Variants in SPTAN1 observed in about 807,000 individuals in gnomAD.
SPTAN1 encodes spectrin alpha chain, non-erythrocytic 1.
A neutral mutation model predicts 331.3 loss-of-function variants in SPTAN1; 61 were observed. The observed-to-expected ratio is 0.18, with a 90% CI of 0.15 to 0.23. SPTAN1 has a LOEUF of 0.23. SPTAN1 is among the 10% of genes least tolerant of loss of function. SPTAN1 has a pLI of 1.00. For missense variants in SPTAN1, 2,043 were observed against 3,147.9 expected, an observed-to-expected ratio of 0.65 and a Z score of 8.40; for synonymous variants, 1,153 against 1,173.9, an observed-to-expected ratio of 0.98 and a Z score of 0.36.
chr9:128,621,724 C>T (rs1857884962), intron 45 of SPTAN1: 2 of 230,404 alleles, frequency 8.7e-6, no homozygotes, highest in East Asian at 9.8e-5. Flanking sequence ...AGGATCATAT[C>T]ACTCCATAAA....
intron 9 of SPTAN1, among the ~76,000 whole-genome samples, chr9:128,579,043 TA>T: frequency 6.6e-6 from 1 of 152,222 alleles, no homozygotes; most frequent in Admixed American, 6.5e-5. Context: ...AAAACTTTGT[TA>T]AAAGGCATTA....
Position 128,584,863 on chromosome 9 carries a change from G to T in SPTAN1, c.2560+20G>T. 2 of 1,614,176 alleles carry T rather than the reference G, an allele frequency of 1.2e-6. No homozygotes were observed. Among genetic ancestry groups the T allele is most frequent in the South Asian group, 1.1e-5 (1 of 91,072 alleles). ...AGGAAGGTGAGTGATTGGTATCAGT[G>T]ACATGGCTTGGTGCTGCTCCTCGTG... On this transcript the variant is annotated intron_variant, in intron 18 of 56. Transcript: ENST00000372739.
intron 1 of SPTAN1, among the ~76,000 whole-genome samples, chr9:128,562,967 AAAAAATATATATATACATGTATGTGT>A (rs1259036000): frequency 4.6e-5 from 6 of 130,348 alleles, no homozygotes; most frequent in African/African-American, 1.5e-4. Flanking sequence ...TCCGTCTAAA[AAAAAATATATATATACATGTATGTGT>A]ATATATATAT....
Position 128,583,940 on chromosome 9 carries a change from C to G in SPTAN1, c.2164C>G (p.Leu722Val). The G allele has an allele frequency of 6.2e-7, 1 of 1,614,176 alleles. No individual in the cohort carries two copies. Among genetic ancestry groups the G allele is most frequent in the East Asian group, 2.2e-5 (1 of 44,886 alleles). The part of the protein sequence containing the change: ...NVQNLQKKHA[L>V]LEADVAAHQD... ...GCAGAACCTCCAGAAGAAACATGCA[C>G]TGCTAGAGGCAGATGTGGCTGCTCA... The change falls in exon 16 of 57, where the codon CTG becomes GTG. Residue 722 changes from leucine (L) to valine (V), a missense_variant. Leu to Val is a conservative substitution (Grantham distance 32). This residue lies in a region of SPTAN1 where 1,038 missense variants were observed against 1,531.5 expected (regional missense o/e 0.68). Coordinates refer to ENST00000372739, the MANE Select transcript of SPTAN1 (RefSeq NM_001130438.3).
At chr9:128,599,803 AG>A (rs1440724796) in intron 26 of SPTAN1, 5 of 509,512 alleles carry the variant, frequency 9.8e-6, no homozygotes, top group Non-Finnish European at 1.7e-5. Context: ...ACAACATAAA[AG>A]TTGGTGGTTT....
In SPTAN1 at chr9:128,627,074, A is replaced by G. The variant is rs1187249848; in HGVS notation, c.6577-312A>G. ...GCAGTCCTCCTGCCCAGGCCTCCCA[A>G]AGTGCTGGGATTACAGGTGTGAGCC... On this transcript the variant is annotated intron_variant, in intron 49 of 56. Coordinates refer to ENST00000372739, the MANE Select transcript of SPTAN1 (RefSeq NM_001130438.3). The surrounding 1 kb of genome is among the most constrained non-coding windows in gnomAD (Gnocchi z 4.9). 2 of 551,628 alleles carry G rather than the reference A, an allele frequency of 3.6e-6. No individual in the cohort carries two copies. The highest frequency in any genetic ancestry group is 4.4e-5 in the Admixed American group (2 of 45,258). The allele number at this position is 551,628 out of a possible 1,614,324, so 34.2% of individuals were successfully genotyped here.
chr9:128,615,422 A>G (rs1417399838), intron 40 of SPTAN1, among the ~76,000 whole-genome samples: 1 of 152,130 alleles, frequency 6.6e-6, no homozygotes, highest in African/African-American at 2.4e-5. Flanking sequence ...TTGCTTTTGT[A>G]CTATCAGTGC....
rs369792563 is a variant in SPTAN1 at position 128,632,686 on chromosome 9, C to G, written c.7128C>G (p.Phe2376Leu). ...MVEEGEPDPE[F>L]EAILDTVDPN... The stretch of plus-strand genomic sequence containing the variant: ...AGGAAGGGGAACCTGACCCTGAGTT[C>G]GAGGCAATCCTGGACACGGTGGATC... Residue 2376 changes from phenylalanine (F) to leucine (L), a missense_variant, in exon 55 of 57, where the codon TTC (phenylalanine) becomes TTG (leucine). Transcript: ENST00000372739. 6.2e-7 allele frequency: 1 copy of G among 1,613,954 alleles called. No homozygotes were observed. The highest frequency in any genetic ancestry group is 1.7e-5 in the Admixed American group (1 of 60,022).
In SPTAN1 at chr9:128,583,058, C is replaced by T; in HGVS notation, c.1807-19C>T. 1 of 1,611,456 alleles carries T rather than the reference C, an allele frequency of 6.2e-7. No homozygotes were observed. The highest frequency in any genetic ancestry group is 8.5e-7 in the Non-Finnish European group (1 of 1,177,916). On this transcript the variant is annotated intron_variant, in intron 14 of 56. Coordinates refer to ENST00000372739, the MANE Select transcript of SPTAN1 (RefSeq NM_001130438.3). Reference sequence around the variant, plus strand: ...TTCTCAGGTTCAAGATAGAAAGAACCCCCTTCTTTTATTCACAGGATCCAT... The same window carrying T: ...TTCTCAGGTTCAAGATAGAAAGAACTCCCTTCTTTTATTCACAGGATCCAT...
At chr9:128,631,970 G>A (rs1859821498) in intron 52 of SPTAN1, 157 bp from the exon 53 acceptor site, 6 of 728,984 alleles carry the variant, frequency 8.2e-6, no homozygotes, top group Non-Finnish European at 1.4e-5. Flanking sequence ...GATTTCTTCA[G>A]CTTCACCCCA....
Position 128,633,515 on chromosome 9 carries a change from G to A in SPTAN1, c.*181G>A. 1.7e-6 allele frequency: 2 copies of A among 1,169,490 alleles called. No individual in the cohort carries two copies. The highest frequency in any genetic ancestry group is 2.4e-5 in the East Asian group (1 of 42,440). The allele number at this position is 1,169,490 out of a possible 1,614,324, so 72.4% of individuals were successfully genotyped here. On this transcript the variant is annotated 3_prime_UTR_variant, in exon 57 of 57. Transcript: ENST00000372739. ...GTCCAGTCACAATCATCATGTCACT[G>A]TGGGGACCCAGATCTGTGTCTTGAA... is the stretch of plus-strand genomic sequence containing the variant.
chr9:128,574,631 G>C, intron 3 of SPTAN1, 44 bp from the exon 4 acceptor site: 1 of 1,612,728 alleles, frequency 6.2e-7, no homozygotes, highest in Non-Finnish European at 8.5e-7. Context: ...AGATCCCACA[G>C]AGCCAGTTGT....
intron 12 of SPTAN1, 107 bp from the exon 13 acceptor site, chr9:128,582,372 G>A: frequency 1.0e-6 from 1 of 985,354 alleles, no homozygotes; most frequent in African/African-American, 1.6e-5. Context: ...CTTGACCTAT[G>A]TTAAAGTTTG....
At chr9:128,608,836 C>G in intron 34 of SPTAN1, 38 bp from the exon 35 acceptor site, 1 of 1,600,818 alleles carries the variant, frequency 6.2e-7, no homozygotes, top group Non-Finnish European at 8.6e-7. Context: ...GGCCCAGCCA[C>G]AGGCCCACCT....
intron 10 of SPTAN1, 137 bp from the exon 11 acceptor site, chr9:128,580,784 GT>G: frequency 8.5e-7 from 1 of 1,175,436 alleles, no homozygotes; most frequent in Non-Finnish European, 1.2e-6. Context: ...AGTGAATGTT[GT>G]TTTTCCCCTT....
At position 128,608,932 on chromosome 9, in the gene SPTAN1, A is replaced by T; in HGVS notation, c.4550A>T (p.Tyr1517Phe). 1 of 1,614,200 alleles carries T rather than the reference A, an allele frequency of 6.2e-7. No individual in the cohort carries two copies. ...FADQLIAAGH[Y>F]AKGDISSRRN... is the part of the protein sequence containing the mutation. ...GACCAGCTCATCGCTGCCGGCCATT[A>T]TGCCAAGGGAGACATTTCTAGCCGG... The change falls in exon 35 of 57, where the codon TAT (tyrosine) becomes TTT (phenylalanine). Residue 1517 changes from tyrosine to phenylalanine, a missense_variant. This residue lies in a region of SPTAN1 where 40 missense variants were observed against 32.6 expected (regional missense o/e 1.23). Transcript: ENST00000372739.
In SPTAN1 at chr9:128,580,924, G is replaced by T; in HGVS notation, c.1326G>T (p.Leu442=). The change falls in exon 11 of 57, where the codon CTG becomes CTT. Residue 442 remains leucine (L), a splice_region_variant and synonymous_variant. Coordinates refer to ENST00000372739, the MANE Select transcript of SPTAN1 (RefSeq NM_001130438.3). ...HYASDEVREK[L]TVLSEERAAL... ...ACCATGTCTCCTATGCCCCCAAGCT[G>T]ACCGTCCTTTCCGAGGAGAGAGCGG... 1 of 1,612,782 alleles carries T rather than the reference G, an allele frequency of 6.2e-7. No homozygotes were observed. Among genetic ancestry groups the T allele is most frequent in the South Asian group, 1.1e-5 (1 of 90,972 alleles).
rs1858978673 is a variant in SPTAN1, at chr9:128,627,695, A to G, written c.6689+197A>G. ...AGGTGGAGCAGCCTCTCAGTGCTGC[A>G]TGTCCCAGACATCAAGTTGTTAGAG... On this transcript the variant is annotated intron_variant, in intron 50 of 56. Transcript: ENST00000372739. The surrounding 1 kb of genome is among the most constrained non-coding windows in gnomAD (Gnocchi z 4.9). The G allele has an allele frequency of 6.4e-6, 5 of 783,762 alleles. No homozygotes were observed. Among genetic ancestry groups the G allele is most frequent in the South Asian group, 4.5e-5 (3 of 66,432 alleles). The allele number at this position is 783,762 out of a possible 1,614,324, so 48.6% of individuals were successfully genotyped here. A position where few individuals can be genotyped will look rare whatever the true frequency, so the allele number is the denominator to read the frequency against.
chr9:128,587,496 C>A, intron 19 of SPTAN1, 110 bp from the exon 20 acceptor site: 1 of 847,228 alleles, frequency 1.2e-6, no homozygotes. Flanking sequence ...GTGATTACGT[C>A]ATTGTGCAAC....
Sources: gnomAD v4.1 joint callset for allele counts (sites outside exome capture counted in the v4.1 genomes callset) on GRCh38, gnomAD v4.1.1 for gene constraint, gnomAD v4.1.1 regional missense constraint, Gnocchi (gnomAD v3.1) non-coding constraint, MANE v1.5 for transcripts, NCBI Gene and HGNC (gene_info 2026-07-23, HGNC 2026-07-21) for gene names.